Variants in CHCHD6 observed in about 807,000 individuals in gnomAD.
CHCHD6 encodes the protein MICOS complex subunit MIC25.
CHCHD6 carries 28 observed loss-of-function variants against 32.3 expected under a neutral mutation model. The ratio of observed to expected loss-of-function variants is 0.87; its 90% CI spans 0.64 to 1.19. CHCHD6 has a LOEUF of 1.19. Among genes scored for constraint, CHCHD6 ranks in the 50% most tolerant of loss-of-function variants. The probability of loss-of-function intolerance (pLI) is 0.00; values close to 1 mark genes in which losing one functional copy is unlikely to be tolerated. For synonymous variants in CHCHD6, 122 were observed against 117.5 expected (o/e 1.04, Z -0.25); for missense variants, 333 against 307.0 (o/e 1.08, Z -0.63).
chr3:126,920,211 C>CT (rs11414526), intron 6 of CHCHD6, among the ~76,000 whole-genome samples: 4,581 of 138,062 alleles, frequency 0.033, 215 homozygotes, highest in African/African-American at 0.11. Context: ...ATTTGCTTTG[C>CT]TTTTTTTTTT....
rs147876311 is a variant in CHCHD6, at chr3:126,788,249, G to C, written c.411+55027G>C. On this transcript the variant is annotated intron_variant, in intron 4 of 7. Transcript: ENST00000290913. The stretch of plus-strand genomic sequence containing the variant: ...TGCCAGTATTTTATTGAGGATTTTC[G>C]CATTGATGTTCTTCAGGGATATTGG... Among the ~76,000 whole-genome samples the C allele has an allele frequency of 3.3e-5, 5 of 152,192 alleles. 1 individual carries two copies. The highest frequency in any genetic ancestry group is 1.2e-4 in the African/African-American group (5 of 41,514).
At chr3:126,795,254 C>G (rs931497322) in intron 4 of CHCHD6, among the ~76,000 whole-genome samples, 2 of 152,156 alleles carry the variant, frequency 1.3e-5, no homozygotes. Flanking sequence ...GGTGTTTTCC[C>G]TAAAACAGGG....
At chr3:126,950,189 G>T (rs1469093986) in intron 6 of CHCHD6, among the ~76,000 whole-genome samples, 1 of 152,048 alleles carries the variant, frequency 6.6e-6, no homozygotes, top group East Asian at 1.9e-4. Flanking sequence ...ACCAAGTTTT[G>T]TCATTGAGGG....
chr3:126,753,661 T>C (rs746219524), intron 4 of CHCHD6, among the ~76,000 whole-genome samples: 8 of 152,256 alleles, frequency 5.3e-5, no homozygotes, highest in Non-Finnish European at 8.8e-5. Flanking sequence ...CCCCTGTCTC[T>C]CTCTCTGGTG....
intron 5 of CHCHD6, among the ~76,000 whole-genome samples, chr3:126,898,365 T>C (rs1341862229): frequency 6.6e-6 from 1 of 152,242 alleles, no homozygotes; most frequent in African/African-American, 2.4e-5. Flanking sequence ...AACTGAGTTG[T>C]GCTGGGCACA....
chr3:126,870,464 C>T (rs909268133), intron 5 of CHCHD6, among the ~76,000 whole-genome samples: 2 of 152,166 alleles, frequency 1.3e-5, no homozygotes, highest in Non-Finnish European at 2.9e-5. Flanking sequence ...TTCAGGTATT[C>T]CTTGCAGGAA....
chr3:126,936,578 CAG>C lies in CHCHD6; in HGVS notation c.567-20835_567-20834del, dbSNP rs2078483131. Among the ~76,000 whole-genome samples, 3 of 152,160 alleles carry C rather than the reference CAG, an allele frequency of 2.0e-5. No individual in the cohort carries two copies. In the South Asian group the frequency reaches 6.2e-4, roughly 32 times the overall value. ...ACTGTTTCTTTTTTTCTTTTTGAGA[CAG>C]AGTCTTGCTCTGTTGCCCAGGCTGC... On this transcript the variant is annotated intron_variant, in intron 6 of 7. Coordinates refer to ENST00000290913, the MANE Select transcript of CHCHD6 (RefSeq NM_032343.3).
At chr3:126,793,878 G>T (rs1231231983) in intron 4 of CHCHD6, among the ~76,000 whole-genome samples, 1 of 152,114 alleles carries the variant, frequency 6.6e-6, no homozygotes, top group African/African-American at 2.4e-5. Context: ...GATATAGACT[G>T]TTGGGTTAAC....
chr3:126,938,334 A>G (rs530736211), intron 6 of CHCHD6, among the ~76,000 whole-genome samples: 1 of 152,356 alleles, frequency 6.6e-6, no homozygotes, highest in South Asian at 2.1e-4. Flanking sequence ...TCTGTGCCAC[A>G]GGGCTAGTTA....
At chr3:126,722,695 G>A (rs1385417615) in intron 1 of CHCHD6, among the ~76,000 whole-genome samples, 1 of 152,134 alleles carries the variant, frequency 6.6e-6, no homozygotes, top group African/African-American at 2.4e-5. Context: ...ATATGTTTTA[G>A]ATAAAAGTTC....
intron 5 of CHCHD6, among the ~76,000 whole-genome samples, chr3:126,906,199 T>G (rs2078002787): frequency 6.6e-6 from 1 of 152,232 alleles, no homozygotes; most frequent in African/African-American, 2.4e-5. Flanking sequence ...TGTCTCATTC[T>G]GAACTGCCAC....
intron 6 of CHCHD6, among the ~76,000 whole-genome samples, chr3:126,948,122 C>T: frequency 6.6e-6 from 1 of 152,212 alleles, no homozygotes; most frequent in Non-Finnish European, 1.5e-5. Context: ...ATCCCCGCTC[C>T]CCACTCTACT....
chr3:126,882,151 G>A (rs981251744), intron 5 of CHCHD6, among the ~76,000 whole-genome samples: 8 of 152,188 alleles, frequency 5.3e-5, no homozygotes, highest in East Asian at 1.9e-4. Context: ...GCCGTCAGGG[G>A]CGTCTGCCAG....
intron 4 of CHCHD6, among the ~76,000 whole-genome samples, chr3:126,744,557 G>T (rs1936414261): frequency 6.6e-6 from 1 of 152,236 alleles, no homozygotes; most frequent in Admixed American, 6.5e-5. Context: ...AGCTTTCGCT[G>T]TGAGTAATGG....
At position 126,892,024 on chromosome 3, in the gene CHCHD6, C is replaced by T. The variant is rs936492684; in HGVS notation, c.496-22656C>T. On this transcript the variant is annotated intron_variant, in intron 5 of 7. Coordinates refer to ENST00000290913, the MANE Select transcript of CHCHD6 (RefSeq NM_032343.3). ...AGCCTATGGCAGACATCGCAGGGGCCTTGGCCCAGGCAGGTGCCAGCGACA... is the reference window on the plus strand; with the variant it reads ...AGCCTATGGCAGACATCGCAGGGGCTTTGGCCCAGGCAGGTGCCAGCGACA... Among the ~76,000 whole-genome samples, 45 of 152,200 alleles carry T rather than the reference C, an allele frequency of 3.0e-4. 1 individual carries two copies. The highest frequency in any genetic ancestry group is 3.8e-4 in the Non-Finnish European group (26 of 68,024).
At chr3:126,870,526 G>A (rs902435608) in intron 5 of CHCHD6, among the ~76,000 whole-genome samples, 1 of 152,286 alleles carries the variant, frequency 6.6e-6, no homozygotes, top group South Asian at 2.1e-4. Context: ...ACGTCCTGGT[G>A]CCTGGGTTGG....
intron 2 of CHCHD6, 53 bp downstream of exon 2, chr3:126,727,239 A>T: frequency 7.4e-7 from 1 of 1,351,454 alleles, no homozygotes; most frequent in East Asian, 2.3e-5. Context: ...GAAAGGAGTG[A>T]TGGGTGCTCA....
intron 6 of CHCHD6, among the ~76,000 whole-genome samples, chr3:126,937,367 CAG>C (rs2078495516): frequency 6.6e-6 from 1 of 152,120 alleles, no homozygotes; most frequent in African/African-American, 2.4e-5. Flanking sequence ...GAAATGTAGA[CAG>C]AGATTTGGAT....
intron 4 of CHCHD6, among the ~76,000 whole-genome samples, chr3:126,775,649 G>T (rs1475483571): frequency 2.0e-5 from 3 of 152,244 alleles, no homozygotes; most frequent in Admixed American, 2.0e-4. Context: ...TCAAAGGGAA[G>T]ATGTCACAGT....
Sources: allele counts gnomAD v4.1 joint callset (sites outside exome capture counted in the v4.1 genomes callset), GRCh38; gene constraint gnomAD v4.1.1; transcripts MANE v1.5; gene names NCBI Gene and HGNC (gene_info 2026-07-23, HGNC 2026-07-21).